The following CELF3 variants were observed in gnomAD, a reference collection of about 807,000 sequenced individuals.
The protein encoded by CELF3 is CAG repeat domain.
In CELF3, 26 loss-of-function variants were observed where a neutral mutation model predicts 59.6. The observed-to-expected ratio is 0.44, with a 90% CI of 0.32 to 0.61. CELF3 has a LOEUF of 0.61. Among genes scored for constraint, CELF3 ranks in the 20% least tolerant of loss-of-function variants. CELF3 has a pLI of 0.06. For synonymous variants in CELF3, 245 were observed against 250.7 expected (o/e 0.98, Z 0.22); for missense variants, 387 against 627.2 (o/e 0.62, Z 4.09).
rs1672813829 is a variant in CELF3 at position 151,709,202 on chromosome 1, G to C, written c.406+18C>G. 2 of 1,612,334 alleles carry C rather than the reference G, an allele frequency of 1.2e-6. No homozygotes were observed. The highest frequency in any genetic ancestry group is 2.2e-5 in the East Asian group (1 of 44,836). On this transcript the variant is annotated intron_variant, in intron 4 of 12. Coordinates refer to ENST00000290583, the MANE Select transcript of CELF3 (RefSeq NM_007185.7). This position sits in a 1 kb window ranked among gnomAD's most constrained non-coding sequence, Gnocchi z 4.9. ...AAGGGGAAGGGCCCGGTGGGGAAGG[G>C]GGAAGTGGGTGGACTACCTTTGCTG...
rs1025575034 is a variant in CELF3, at chr1:151,705,434, C to T, written c.1271-266G>A. On this transcript the variant is annotated intron_variant, in intron 11 of 12. Transcript: ENST00000290583. This position sits in a 1 kb window ranked among gnomAD's most constrained non-coding sequence, Gnocchi z 5.1. Reference sequence around the variant, plus strand: ...TAGCTCTGAGCCTGCCCTTTGAAAACGGCCACTTCCAGACCCTAAATGGCT... The same window carrying T: ...TAGCTCTGAGCCTGCCCTTTGAAAATGGCCACTTCCAGACCCTAAATGGCT... Among the ~76,000 whole-genome samples, 8 of 152,232 alleles carry T rather than the reference C, an allele frequency of 5.3e-5. No individual in the cohort carries two copies. The South Asian group carries it at 1.2e-3, about 24-fold the overall frequency.
At position 151,715,969 on chromosome 1, in the gene CELF3, G is replaced by A. The variant is rs1359352215; in HGVS notation, c.52C>T (p.Leu18=). The A allele has an allele frequency of 1.9e-6, 3 of 1,614,204 alleles. No individual in the cohort carries two copies. Among genetic ancestry groups the A allele is most frequent in the Non-Finnish European group, 2.5e-6 (3 of 1,180,018 alleles). Residue 18 remains leucine, a synonymous_variant, in exon 1 of 13, where the codon CTG becomes TTG. Coordinates refer to ENST00000290583, the MANE Select transcript of CELF3 (RefSeq NM_007185.7). The stretch of plus-strand genomic sequence containing the variant: ...ATGGGCTTCAGGTCCTTCTCCTCCA[G>A]ATGCCTCGGGATCTGCCCCACAAAC... ...KLFVGQIPRH[L]EEKDLKPIFE... is the part of the protein sequence containing the mutation.
At chr1:151,714,538 C>A (rs750785391) in intron 2 of CELF3, 56 bp downstream of exon 2, 49 of 1,341,080 alleles carry the variant, frequency 3.7e-5, no homozygotes, top group Non-Finnish European at 5.0e-5. Context: ...TGGTGAGCCT[C>A]CTGCCACTTC....
rs754480948 is a variant in CELF3, at chr1:151,706,231, T to TTGCTGC, written c.1113_1118dup (p.Gln372_Gln373dup). ...CAAGGCCCCAGCCAGCACCTTCTCT[T>TTGCTGC]TGCTGCTGCTGCTGTTGCTGCTGCT... On this transcript the variant is annotated inframe_insertion, in exon 10 of 13. Transcript: ENST00000290583. 2.5e-6 allele frequency: 4 copies of TTGCTGC among 1,608,250 alleles called. No individual in the cohort carries two copies. In the African/African-American group the frequency reaches 4.0e-5, roughly 16 times the overall value.
chr1:151,709,482 G>A lies in CELF3; in HGVS notation c.278-134C>T. ...GGGTCCAATGGCTGTAGGGGCTGAT[G>A]GTTGGGGAATGGGGTATAGTTGCAG... On this transcript the variant is annotated intron_variant, in intron 3 of 12. Transcript: ENST00000290583. This position sits in a 1 kb window ranked among gnomAD's most constrained non-coding sequence, Gnocchi z 4.9. 1.6e-6 allele frequency: 2 copies of A among 1,289,690 alleles called. No individual in the cohort carries two copies. The highest frequency in any genetic ancestry group is 2.6e-5 in the South Asian group (2 of 76,618). 79.9% of individuals were successfully genotyped at this position (1,289,690 alleles called of 1,614,324 possible). A position where few individuals can be genotyped will look rare whatever the true frequency, so the allele number is the denominator to read the frequency against.
intron 7 of CELF3, 46 bp downstream of exon 7, chr1:151,707,461 C>A (rs1445247663): frequency 6.2e-7 from 1 of 1,604,536 alleles, no homozygotes; most frequent in Admixed American, 1.7e-5. Flanking sequence ...CCCCTCCCTA[C>A]CCCTACCATG....
chr1:151,705,823 A>G lies in CELF3; in HGVS notation c.1269T>C (p.Phe423=), dbSNP rs1181210274. 5.6e-6 allele frequency: 9 copies of G among 1,614,044 alleles called. No individual in the cohort carries two copies. Among genetic ancestry groups the G allele is most frequent in the Admixed American group, 3.3e-5 (2 of 60,002 alleles). The change falls in exon 11 of 13, where the codon TTT becomes TTC. Residue 423 remains phenylalanine, a splice_region_variant and synonymous_variant. Transcript: ENST00000290583. The surrounding 1 kb of genome is among the most constrained non-coding windows in gnomAD (Gnocchi z 5.1). ...VDRATNQSKC[F]GFVSFDNPAS... ...AAATGTGCCATATCATATTCTTACC[A>G]AAACATTTGCTTTGATTGGTGGCTC...
rs1227169766 is a variant in CELF3, at chr1:151,702,171, G to A, written c.*1288C>T. Among the ~76,000 whole-genome samples, 1 of 152,182 alleles carries A rather than the reference G, an allele frequency of 6.6e-6. No individual in the cohort carries two copies. Among genetic ancestry groups the A allele is most frequent in the Non-Finnish European group, 1.5e-5 (1 of 68,036 alleles). On this transcript the variant is annotated 3_prime_UTR_variant, in exon 13 of 13. Coordinates refer to ENST00000290583, the MANE Select transcript of CELF3 (RefSeq NM_007185.7). The stretch of plus-strand genomic sequence containing the variant: ...GGATACAGGGGAGAGCCCCCGACAG[G>A]GGAGATCTCCTTGTGCCGAACTCTG...
chr1:151,709,403 C>G lies in CELF3; in HGVS notation c.278-55G>C. On this transcript the variant is annotated intron_variant, in intron 3 of 12. Transcript: ENST00000290583. This position sits in a 1 kb window ranked among gnomAD's most constrained non-coding sequence, Gnocchi z 4.9. ...GTTCAGGGCCTCCTGGCTGCCTTCCCAGCCCTTCTTCCGCCCTTCCCTGGA... is the reference window on the plus strand; with the variant it reads ...GTTCAGGGCCTCCTGGCTGCCTTCCGAGCCCTTCTTCCGCCCTTCCCTGGA... 6.2e-7 allele frequency: 1 copy of G among 1,610,986 alleles called. No homozygotes were observed. The highest frequency in any genetic ancestry group is 8.5e-7 in the Non-Finnish European group (1 of 1,178,130).
At position 151,714,684 on chromosome 1, in the gene CELF3, G is replaced by A. The variant is rs1188148381; in HGVS notation, c.146-8C>T. 6.4e-7 allele frequency: 1 copy of A among 1,552,152 alleles called. No individual in the cohort carries two copies. The highest frequency in any genetic ancestry group is 8.7e-7 in the Non-Finnish European group (1 of 1,146,472). ...ATGTCAGGAAGGCACATCCTGAGGA[G>A]GGGCAGGGGCAGAGAAACACGGCGG... On this transcript the variant is annotated splice_polypyrimidine_tract_variant and splice_region_variant and intron_variant, in intron 1 of 12. Coordinates refer to ENST00000290583, the MANE Select transcript of CELF3 (RefSeq NM_007185.7).
rs778992109 is a variant in CELF3 at position 151,705,213 on chromosome 1, C to T, written c.1271-45G>A. 13 of 1,581,570 alleles carry T rather than the reference C, an allele frequency of 8.2e-6. No homozygotes were observed. The highest frequency in any genetic ancestry group is 1.1e-5 in the Non-Finnish European group (13 of 1,159,978). On this transcript the variant is annotated intron_variant, in intron 11 of 12. Coordinates refer to ENST00000290583, the MANE Select transcript of CELF3 (RefSeq NM_007185.7). This position sits in a 1 kb window ranked among gnomAD's most constrained non-coding sequence, Gnocchi z 5.1. ...AGGCCCGGCCCAGCCCCACCTCGCT[C>T]TTCCGTGCTTAGGAGACCTCTGGCA... is the stretch of plus-strand genomic sequence containing the variant.
In CELF3 at chr1:151,709,564, C is replaced by T; in HGVS notation, c.277+179G>A. 2 of 909,024 alleles carry T rather than the reference C, an allele frequency of 2.2e-6. No individual in the cohort carries two copies. The highest frequency in any genetic ancestry group is 3.4e-6 in the Non-Finnish European group (2 of 583,120). The allele number at this position is 909,024 out of a possible 1,614,324, so 56.3% of individuals were successfully genotyped here. A position where few individuals can be genotyped will look rare whatever the true frequency, so the allele number is the denominator to read the frequency against. ...ACTCCACCCTGGGCCTCAGTTTTGC[C>T]ATCTGTACCCGCCCCAGATCTCACC... On this transcript the variant is annotated intron_variant, in intron 3 of 12. Coordinates refer to ENST00000290583, the MANE Select transcript of CELF3 (RefSeq NM_007185.7). This position sits in a 1 kb window ranked among gnomAD's most constrained non-coding sequence, Gnocchi z 4.9.
intron 1 of CELF3, among the ~76,000 whole-genome samples, 195 bp from the exon 2 acceptor site, chr1:151,714,871 T>A (rs529460794): frequency 6.6e-6 from 1 of 152,120 alleles, no homozygotes; most frequent in East Asian, 1.9e-4. Flanking sequence ...GAGGCCTAAA[T>A]ACTGGTGGTG....
rs1305193282 is a variant in CELF3 at position 151,706,366 on chromosome 1, G to A, written c.989-5C>T. Reference sequence around the variant, plus strand: ...TGTAGGCTGCTGGGTAGGCTGCTGGGGTGGGGAGAAGAGAGAGGCTGATGG... The same window carrying A: ...TGTAGGCTGCTGGGTAGGCTGCTGGAGTGGGGAGAAGAGAGAGGCTGATGG... On this transcript the variant is annotated splice_region_variant and splice_polypyrimidine_tract_variant and intron_variant, in intron 9 of 12. Coordinates refer to ENST00000290583, the MANE Select transcript of CELF3 (RefSeq NM_007185.7). The A allele has an allele frequency of 3.8e-5, 59 of 1,545,006 alleles. 1 individual carries two copies. The highest frequency in any genetic ancestry group is 2.4e-5 in the East Asian group (1 of 40,882).
rs933362461 is a variant in CELF3 at position 151,700,510 on chromosome 1, G to A, written c.*2949C>T. 2.6e-5 allele frequency among the ~76,000 whole-genome samples: 4 copies of A among 152,180 alleles called. No homozygotes were observed. The highest frequency in any genetic ancestry group is 7.2e-5 in the African/African-American group (3 of 41,442). ...GGAATGAAGTGGAAAGTAAGGCTTC[G>A]AAGAGCCTTGAATGCCAGGCTGAGG... On this transcript the variant is annotated 3_prime_UTR_variant, in exon 13 of 13. Coordinates refer to ENST00000290583, the MANE Select transcript of CELF3 (RefSeq NM_007185.7).
At chr1:151,708,014 A>C in intron 5 of CELF3, 79 bp from the exon 6 acceptor site, 8 of 1,491,868 alleles carry the variant, frequency 5.4e-6, no homozygotes, top group Non-Finnish European at 6.3e-6. Context: ...CCTGGTCTCC[A>C]TTCCACCCCC....
chr1:151,707,432 C>T, intron 7 of CELF3, 75 bp downstream of exon 7: 1 of 1,580,354 alleles, frequency 6.3e-7, no homozygotes, highest in Non-Finnish European at 8.6e-7. Context: ...CCCGAGGCTT[C>T]CCTGAGCAAT....
intron 12 of CELF3, 54 bp downstream of exon 12, chr1:151,704,977 C>T (rs987452455): frequency 5.3e-5 from 82 of 1,547,800 alleles, no homozygotes; most frequent in Non-Finnish European, 6.6e-5. Context: ...AATCGAGGGC[C>T]CTGGCTGCAG....
chr1:151,705,298 T>C lies in CELF3; in HGVS notation c.1271-130A>G. The stretch of plus-strand genomic sequence containing the variant: ...GAAAGCTGCCTGCCACATAGCAGCA[T>C]TCCTTAGGAATTTGTTGATTGATGG... On this transcript the variant is annotated intron_variant, in intron 11 of 12. Transcript: ENST00000290583. This position sits in a 1 kb window ranked among gnomAD's most constrained non-coding sequence, Gnocchi z 5.1. 1 of 1,016,188 alleles carries C rather than the reference T, an allele frequency of 9.8e-7. No homozygotes were observed. The highest frequency in any genetic ancestry group is 1.4e-6 in the Non-Finnish European group (1 of 704,896). The allele number at this position is 1,016,188 out of a possible 1,614,324, so 62.9% of individuals were successfully genotyped here. A position where few individuals can be genotyped will look rare whatever the true frequency, so the allele number is the denominator to read the frequency against.
Sources: allele counts gnomAD v4.1 joint callset (sites outside exome capture counted in the v4.1 genomes callset), GRCh38; gene constraint gnomAD v4.1.1; non-coding constraint Gnocchi (gnomAD v3.1); transcripts MANE v1.5; gene names NCBI Gene and HGNC (gene_info 2026-07-23, HGNC 2026-07-21).